CACNA1C: variants seen among roughly 807,000 people sequenced by gnomAD.
CACNA1C encodes the protein voltage-dependent L-type calcium channel subunit alpha-1C.
CACNA1C carries 30 observed loss-of-function variants against 229.0 expected under a neutral mutation model. The ratio of observed to expected loss-of-function variants is 0.13; its 90% CI spans 0.10 to 0.18. CACNA1C has a LOEUF of 0.18. Among genes scored for constraint, CACNA1C ranks in the 10% least tolerant of loss-of-function variants. CACNA1C has a pLI of 1.00. For missense variants in CACNA1C, 1,658 were observed against 2,845.0 expected (o/e 0.58, Z 9.49); for synonymous variants, 1,114 against 1,132.5 (o/e 0.98, Z 0.33).
At chr12:2,578,489 A>G (rs2059367273) in intron 13 of CACNA1C, among the ~76,000 whole-genome samples, 1 of 152,246 alleles carries the variant, frequency 6.6e-6, no homozygotes, top group South Asian at 2.1e-4. Context: ...CGTGGGCCTC[A>G]CCTCATAGCA....
At chr12:2,683,831 G>A (rs1343038258) in intron 43 of CACNA1C, among the ~76,000 whole-genome samples, 1 of 152,226 alleles carries the variant, frequency 6.6e-6, no homozygotes, top group African/African-American at 2.4e-5. Context: ...GCACAGTGAA[G>A]CGTGGCCAGG....
intron 29 of CACNA1C, among the ~76,000 whole-genome samples, chr12:2,619,707 C>T (rs1023607802): frequency 2.0e-5 from 3 of 152,034 alleles, no homozygotes; most frequent in East Asian, 1.9e-4. Flanking sequence ...TGCCATTCTT[C>T]GTATTCTTTA....
At chr12:2,607,293 A>G in intron 26 of CACNA1C, 163 bp downstream of exon 26, 1 of 657,638 alleles carries the variant, frequency 1.5e-6, no homozygotes. Context: ...CTTACAGTCC[A>G]CTGTCACTGC....
At chr12:2,312,303 C>T (rs1235527116) in intron 3 of CACNA1C, among the ~76,000 whole-genome samples, 1 of 152,204 alleles carries the variant, frequency 6.6e-6, no homozygotes, top group Non-Finnish European at 1.5e-5. Context: ...AGAAAGACTT[C>T]AGTATCCTGC....
chr12:2,310,156 A>G (rs2095341529), intron 3 of CACNA1C, among the ~76,000 whole-genome samples: 1 of 151,924 alleles, frequency 6.6e-6, no homozygotes, highest in Non-Finnish European at 1.5e-5. Flanking sequence ...CCCTTTAACA[A>G]CCCCATCAGA....
At position 2,504,007 on chromosome 12, in the gene CACNA1C, C is replaced by T. The variant is rs2099766194; in HGVS notation, c.1114-835C>T. On this transcript the variant is annotated intron_variant, in intron 7 of 46. Transcript: ENST00000399655. This position sits in a 1 kb window ranked among gnomAD's most constrained non-coding sequence, Gnocchi z 6.8. ...TCCTCTGTGGTTTCAGTTCTCCAGG[C>T]CTGTCAGCAGGAGCTGACGCACTTC... Among the ~76,000 whole-genome samples the T allele has an allele frequency of 6.6e-6, 1 of 152,204 alleles. No homozygotes were observed. The highest frequency in any genetic ancestry group is 2.1e-4 in the South Asian group (1 of 4,826).
chr12:2,605,633 G>T lies in CACNA1C; in HGVS notation c.3049-46G>T. 7.1e-7 allele frequency: 1 copy of T among 1,413,132 alleles called. No individual in the cohort carries two copies. The highest frequency in any genetic ancestry group is 1.0e-6 in the Non-Finnish European group (1 of 997,744). The allele number at this position is 1,413,132 out of a possible 1,614,324, so 87.5% of individuals were successfully genotyped here. A position where few individuals can be genotyped will look rare whatever the true frequency, so the allele number is the denominator to read the frequency against. ...CTGCTACCTCCTGGAAAGGCTCCTGGCATCTCCTGAAGCCACGTCCCTCTC... is the reference window on the plus strand; with the variant it reads ...CTGCTACCTCCTGGAAAGGCTCCTGTCATCTCCTGAAGCCACGTCCCTCTC... On this transcript the variant is annotated intron_variant, in intron 23 of 46. Transcript: ENST00000399655. The surrounding 1 kb of genome is among the most constrained non-coding windows in gnomAD (Gnocchi z 6.2).
intron 3 of CACNA1C, among the ~76,000 whole-genome samples, chr12:2,224,664 T>C (rs78573316): frequency 4.9e-4 from 74 of 152,282 alleles, no homozygotes; most frequent in Non-Finnish European, 9.4e-4. Context: ...GTAGCTTACT[T>C]TGCCATCAAT....
chr12:2,485,172 T>G (rs1436327054), intron 5 of CACNA1C, among the ~76,000 whole-genome samples: 1 of 151,864 alleles, frequency 6.6e-6, no homozygotes, highest in Non-Finnish European at 1.5e-5. Flanking sequence ...GTGTCAGAGG[T>G]GGCACTCAGG....
At chr12:2,662,160 T>C (rs1306310120) in intron 34 of CACNA1C, among the ~76,000 whole-genome samples, 5 of 151,416 alleles carry the variant, frequency 3.3e-5, no homozygotes, top group Non-Finnish European at 7.4e-5. Context: ...GAGAATCTCT[T>C]GAACCCAGGA....
intron 1 of CACNA1C, among the ~76,000 whole-genome samples, chr12:2,091,845 G>C (rs1218676822): frequency 6.6e-6 from 1 of 152,178 alleles, no homozygotes; most frequent in African/African-American, 2.4e-5. Context: ...TGGGTTAGTA[G>C]GAACAGCATC....
chr12:1,972,921 A>G (rs2032957787), intron 1 of CACNA1C, among the ~76,000 whole-genome samples: 2 of 152,160 alleles, frequency 1.3e-5, no homozygotes, highest in South Asian at 2.1e-4. Context: ...AGCAGTAAAC[A>G]CTCGAGCAGC....
rs1481062633 is a variant in CACNA1C at position 2,697,060 on chromosome 12, C to T, written c.*5861C>T. On this transcript the variant is annotated 3_prime_UTR_variant, in exon 47 of 47. Coordinates refer to ENST00000399655, the MANE Select transcript of CACNA1C (RefSeq NM_000719.7). ...CAAGGGAAGATGATTTGTAAACACA[C>T]AGTCCTGTGCAGAAAGATCCCCTTC... 1 of 152,242 alleles carries T rather than the reference C, an allele frequency of 6.6e-6. No individual in the cohort carries two copies. Among genetic ancestry groups the T allele is most frequent in the Non-Finnish European group, 1.5e-5 (1 of 68,060 alleles). The allele number at this position is 152,242 out of a possible 1,614,324, so 9.4% of individuals were successfully genotyped here.
chr12:2,470,325 C>T (rs1157612003), intron 5 of CACNA1C, among the ~76,000 whole-genome samples: 3 of 152,174 alleles, frequency 2.0e-5, no homozygotes, highest in African/African-American at 7.2e-5. Flanking sequence ...AAATCACAGA[C>T]AAGGTGATGA....
chr12:2,193,432 G>C (rs1262948417), intron 3 of CACNA1C, among the ~76,000 whole-genome samples: 4 of 151,902 alleles, frequency 2.6e-5, no homozygotes, highest in Admixed American at 2.0e-4. Flanking sequence ...TCCAGCCTGG[G>C]CAATCGAGCT....
At chr12:2,144,737 T>C (rs926362737) in intron 3 of CACNA1C, among the ~76,000 whole-genome samples, 1 of 151,400 alleles carries the variant, frequency 6.6e-6, no homozygotes. Context: ...TTGTCTTAAA[T>C]TATGATTGAA....
intron 1 of CACNA1C, among the ~76,000 whole-genome samples, chr12:2,070,819 C>T (rs1268499747): frequency 6.6e-6 from 1 of 151,954 alleles, no homozygotes; most frequent in African/African-American, 2.4e-5. Context: ...TTCTTTCTTT[C>T]CCTTCCTTTC....
intron 3 of CACNA1C, among the ~76,000 whole-genome samples, chr12:2,338,170 G>T (rs575495230): frequency 2.0e-5 from 3 of 152,144 alleles, no homozygotes; most frequent in East Asian, 1.9e-4. Flanking sequence ...CTGGCTACAT[G>T]GGGGGAGGAG....
Position 2,346,282 on chromosome 12 carries a change from A to G in CACNA1C, c.478-102694A>G, listed in dbSNP as rs551491026. Among the ~76,000 whole-genome samples, 2 of 151,724 alleles carry G rather than the reference A, an allele frequency of 1.3e-5. No individual in the cohort carries two copies. The highest frequency in any genetic ancestry group is 4.2e-4 in the South Asian group (2 of 4,780). On this transcript the variant is annotated intron_variant, in intron 3 of 46. Transcript: ENST00000399655. The surrounding 1 kb of genome is among the most constrained non-coding windows in gnomAD (Gnocchi z 4.4). ...ATCTCTCGTATGTGCCTGTGTCTCT[A>G]TGTAATGTGTTTGTGTGTACATTTC...
Sources: gnomAD v4.1 joint callset for allele counts (sites outside exome capture counted in the v4.1 genomes callset) on GRCh38, gnomAD v4.1.1 for gene constraint, Gnocchi (gnomAD v3.1) non-coding constraint, MANE v1.5 for transcripts, NCBI Gene and HGNC (gene_info 2026-07-23, HGNC 2026-07-21) for gene names.